TRIOBP: variants seen among roughly 807,000 people sequenced by gnomAD.
TRIOBP encodes the protein TRIO and F-actin-binding protein.
A neutral mutation model predicts 238.8 loss-of-function variants in TRIOBP; 169 were observed. The observed-to-expected ratio is 0.71, with a 90% CI of 0.62 to 0.80. The LOEUF (loss-of-function observed/expected upper bound fraction) is 0.80. Ranked by LOEUF, TRIOBP falls within the 30% of genes least tolerant of loss-of-function variation. The pLI, the probability that TRIOBP is intolerant of heterozygous loss-of-function variation, is 0.00. For missense variants in TRIOBP, 2,838 were observed against 3,122.6 expected, an observed-to-expected ratio of 0.91 and a Z score of 2.17; for synonymous variants, 1,150 against 1,274.4, an observed-to-expected ratio of 0.90 and a Z score of 2.08.
At chr22:37,748,235 C>T (rs1042668340) in intron 11 of TRIOBP, among the ~76,000 whole-genome samples, 1 of 152,164 alleles carries the variant, frequency 6.6e-6, no homozygotes, top group Admixed American at 6.5e-5. Context: ...ATCCTGGCTG[C>T]CATGCAGACC....
chr22:37,757,520 A>G (rs1431277801), intron 15 of TRIOBP, 93 bp from the exon 16 acceptor site: 5 of 1,503,350 alleles, frequency 3.3e-6, no homozygotes, highest in Admixed American at 2.0e-5. Flanking sequence ...AGCCCCTGGC[A>G]CAGGGCCTGG....
chr22:37,739,922 C>A (rs1432872326), intron 10 of TRIOBP, among the ~76,000 whole-genome samples: 1 of 152,222 alleles, frequency 6.6e-6, no homozygotes, highest in African/African-American at 2.4e-5. Flanking sequence ...AACCTACCCC[C>A]ACCCCTAGGC....
rs1321148168 is a variant in TRIOBP at position 37,725,385 on chromosome 22, A to G, written c.2829A>G (p.Gln943=). 2.5e-6 allele frequency: 4 copies of G among 1,611,870 alleles called. No individual in the cohort carries two copies. In the South Asian group the frequency reaches 3.3e-5, roughly 13 times the overall value. Residue 943 remains glutamine (Q), a synonymous_variant, in exon 7 of 24, where the codon CAA becomes CAG. Coordinates refer to ENST00000644935, the MANE Select transcript of TRIOBP (RefSeq NM_001039141.3). The part of the protein sequence containing the change: ...PWASIALRPT[Q]GDRPQTSSPS... ...CATCCATCGCCCTCCGGCCAACCCAAGGTGACAGGCCTCAGACATCCTCTC... is the reference window on the plus strand; with the variant it reads ...CATCCATCGCCCTCCGGCCAACCCAGGGTGACAGGCCTCAGACATCCTCTC...
At chr22:37,731,881 C>T (rs1924437744) in intron 7 of TRIOBP, among the ~76,000 whole-genome samples, 1 of 152,228 alleles carries the variant, frequency 6.6e-6, no homozygotes, top group Non-Finnish European at 1.5e-5. Flanking sequence ...TGACCCATTG[C>T]GCCCTGCCCA....
chr22:37,753,684 C>T (rs144920117), intron 12 of TRIOBP, among the ~76,000 whole-genome samples: 3 of 152,314 alleles, frequency 2.0e-5, no homozygotes, highest in African/African-American at 2.4e-5. Flanking sequence ...CTCTTGGATA[C>T]AAAACTCCTT....
At chr22:37,715,594 C>A (rs577710592) in intron 5 of TRIOBP, among the ~76,000 whole-genome samples, 169 bp from the exon 6 acceptor site, 1 of 152,248 alleles carries the variant, frequency 6.6e-6, no homozygotes, top group East Asian at 1.9e-4. Context: ...CCACCCACCT[C>A]GTCCTCCCAA....
rs5995494 is a variant in TRIOBP at position 37,747,690 on chromosome 22, G to T, written c.5323-4082G>T. Among the ~76,000 whole-genome samples, 1,030 of 152,364 alleles carry T rather than the reference G, an allele frequency of 6.8e-3. 12 individuals are homozygous for T. The highest frequency in any genetic ancestry group is 0.023 in the African/African-American group (962 of 41,582). On this transcript the variant is annotated intron_variant, in intron 11 of 23. Coordinates refer to ENST00000644935, the MANE Select transcript of TRIOBP (RefSeq NM_001039141.3). ...AGAGAAGTTGCCTTGCCCACCGGGT[G>T]CCTGCCCGGCCCTCAGCCGGGTGCT...
chr22:37,742,857 G>C (rs973343979), intron 11 of TRIOBP, among the ~76,000 whole-genome samples: 2 of 152,136 alleles, frequency 1.3e-5, no homozygotes, highest in African/African-American at 4.8e-5. Context: ...AATTGCATTT[G>C]ATCCACACTC....
intron 1 of TRIOBP, 103 bp downstream of exon 1, chr22:37,697,192 G>C (rs140373043): frequency 6.6e-6 from 1 of 152,378 alleles, no homozygotes; most frequent in Non-Finnish European, 1.5e-5. Flanking sequence ...CCTGGATGGA[G>C]AGGGTCCCGG....
At chr22:37,714,255 G>C (rs920786631) in intron 5 of TRIOBP, among the ~76,000 whole-genome samples, 3 of 152,216 alleles carry the variant, frequency 2.0e-5, no homozygotes, top group Non-Finnish European at 4.4e-5. Context: ...TCTGGGCAAA[G>C]CTCTTGGCTT....
intron 6 of TRIOBP, among the ~76,000 whole-genome samples, chr22:37,720,708 T>A (rs1923777929): frequency 6.6e-6 from 1 of 152,036 alleles, no homozygotes; most frequent in Non-Finnish European, 1.5e-5. Flanking sequence ...AGATGGGGGC[T>A]CACTATGTTG....
chr22:37,741,539 C>T (rs770911802), intron 11 of TRIOBP, among the ~76,000 whole-genome samples: 2 of 152,346 alleles, frequency 1.3e-5, no homozygotes, highest in Admixed American at 6.5e-5. Flanking sequence ...CCCTCCCACC[C>T]GCTTCACAGC....
chr22:37,772,192 G>A (rs900443795), intron 22 of TRIOBP, among the ~76,000 whole-genome samples: 3 of 152,170 alleles, frequency 2.0e-5, no homozygotes, highest in African/African-American at 7.2e-5. Context: ...TGCCTGGTGC[G>A]CTCTGTCAGT....
At chr22:37,742,171 C>T (rs1924965580) in intron 11 of TRIOBP, among the ~76,000 whole-genome samples, 1 of 151,374 alleles carries the variant, frequency 6.6e-6, no homozygotes, top group African/African-American at 2.4e-5. Context: ...GTTGGCCAGG[C>T]TGGTCTTGAA....
intron 23 of TRIOBP, 21 bp from the exon 24 acceptor site, chr22:37,773,762 C>T (rs1481815408): frequency 2.0e-5 from 3 of 152,840 alleles, no homozygotes; most frequent in Non-Finnish European, 2.9e-5. Context: ...GGCCTCAGCC[C>T]TGCCGCACCT....
In TRIOBP at chr22:37,723,498, C is replaced by T. The variant is rs752435239; in HGVS notation, c.942C>T (p.Ser314=). 3.1e-6 allele frequency: 5 copies of T among 1,613,666 alleles called. No individual in the cohort carries two copies. The South Asian group carries it at 4.4e-5, about 14-fold the overall frequency. The change falls in exon 7 of 24, where the codon TCC becomes TCT. Residue 314 remains serine, a synonymous_variant. Coordinates refer to ENST00000644935, the MANE Select transcript of TRIOBP (RefSeq NM_001039141.3). ...AACAGGAAACCTCCAGGGCCTCATCCACCCAAGAGGACACCCCTAGGGCCT... is the reference window on the plus strand; with the variant it reads ...AACAGGAAACCTCCAGGGCCTCATCTACCCAAGAGGACACCCCTAGGGCCT... ...STQQETSRAS[S]TQEDTPRASS...
chr22:37,731,284 C>T (rs560900478), intron 7 of TRIOBP, among the ~76,000 whole-genome samples: 4 of 151,898 alleles, frequency 2.6e-5, no homozygotes, highest in African/African-American at 9.7e-5. Context: ...ACTACAGCCA[C>T]GTACCACCAT....
chr22:37,704,924 T>A (rs986842995), intron 3 of TRIOBP, among the ~76,000 whole-genome samples: 1 of 143,782 alleles, frequency 7.0e-6, no homozygotes, highest in Non-Finnish European at 1.5e-5. Context: ...AAAAAAAAAA[T>A]TAGCCAGGCA....
rs1569042281 is a variant in TRIOBP at position 37,725,692 on chromosome 22, GC to G, written c.3140del (p.Pro1047LeufsTer166). The G allele has an allele frequency of 1.9e-6, 3 of 1,602,620 alleles. No individual in the cohort carries two copies. The highest frequency in any genetic ancestry group is 2.6e-6 in the Non-Finnish European group (3 of 1,175,564). On this transcript the variant is annotated frameshift_variant, in exon 7 of 24. Transcript: ENST00000644935. LOFTEE classifies it high-confidence loss of function. The part of the protein sequence containing the change: ...DPFPFFPEPR[A>X]PESEPPHHEP... ...CTTCCCCTTCTTCCCAGAGCCCCGC[GC>G]CCCTGAGAGTGAACCGCCCCACCAC... is the stretch of plus-strand genomic sequence containing the variant.
Sources: allele counts gnomAD v4.1 joint callset (sites outside exome capture counted in the v4.1 genomes callset), GRCh38; gene constraint gnomAD v4.1.1; transcripts MANE v1.5; gene names NCBI Gene and HGNC (gene_info 2026-07-23, HGNC 2026-07-21).